The following NIP7 variants were observed in gnomAD, a reference collection of about 807,000 sequenced individuals.
NIP7 encodes the protein nucleolar pre-rRNA processing protein NIP7.
NIP7 carries 12 observed loss-of-function variants against 20.1 expected under a neutral mutation model. The ratio of observed to expected loss-of-function variants is 0.60; its 90% CI spans 0.38 to 0.97. NIP7 has a LOEUF of 0.97. Ranked by LOEUF, NIP7 falls within the 50% of genes least tolerant of loss-of-function variation. The pLI is 0.00. For missense variants in NIP7, 226 were observed against 226.6 expected, an observed-to-expected ratio of 1.00 and a Z score of 0.02; for synonymous variants, 103 against 87.2, an observed-to-expected ratio of 1.18 and a Z score of -1.01.
rs1475127260 is a variant in NIP7, at chr16:69,340,314, C to T, written c.264C>T (p.Tyr88=). The T allele has an allele frequency of 6.2e-6, 10 of 1,613,084 alleles. No individual in the cohort carries two copies. In the Admixed American group the frequency reaches 8.3e-5, roughly 13 times the overall value. Reference sequence around the variant, plus strand: ...GGTTGCACGTCACAGCTCTGGATTACCTTGCACCTTATGCCAAGGTTTGTG... The same window carrying T: ...GGTTGCACGTCACAGCTCTGGATTATCTTGCACCTTATGCCAAGGTTTGTG... ...KFRLHVTALD[Y]LAPYAKYKVW... is the part of the protein sequence containing the mutation. The change falls in exon 3 of 5, where the codon TAC becomes TAT. Residue 88 remains tyrosine, a synonymous_variant. Coordinates refer to ENST00000254940, the MANE Select transcript of NIP7 (RefSeq NM_016101.5).
chr16:69,341,512 G>C (rs764308412), intron 4 of NIP7, 21 bp from the exon 5 acceptor site: 3 of 1,613,162 alleles, frequency 1.9e-6, no homozygotes, highest in Non-Finnish European at 1.7e-6. Context: ...GTGAGTTAGT[G>C]TCTCTTCTTT....
intron 3 of NIP7, 92 bp downstream of exon 3, chr16:69,340,424 A>G (rs1002576812): frequency 6.7e-7 from 1 of 1,491,994 alleles, no homozygotes; most frequent in Non-Finnish European, 9.1e-7. Context: ...AGTCCCTGAC[A>G]GTGTGCTTGG....
chr16:69,343,048 A>T lies in NIP7; in HGVS notation c.*1396A>T, dbSNP rs2012606001. The T allele has an allele frequency of 5.8e-6, 1 of 171,662 alleles. No individual in the cohort carries two copies. The highest frequency in any genetic ancestry group is 1.2e-5 in the Non-Finnish European group (1 of 81,250). 10.6% of individuals were successfully genotyped at this position (171,662 alleles called of 1,614,324 possible). A position where few individuals can be genotyped will look rare whatever the true frequency, so the allele number is the denominator to read the frequency against. ...TTTAATGAATATATTGCTTATTTTAAGTTCCAAAGGTGAAGTCTTTAAGAA... is the reference window on the plus strand; with the variant it reads ...TTTAATGAATATATTGCTTATTTTATGTTCCAAAGGTGAAGTCTTTAAGAA... On this transcript the variant is annotated 3_prime_UTR_variant, in exon 5 of 5. Coordinates refer to ENST00000254940, the MANE Select transcript of NIP7 (RefSeq NM_016101.5).
At position 69,339,805 on chromosome 16, in the gene NIP7, C is replaced by G. The variant is rs1038419431; in HGVS notation, c.-25C>G. 8.1e-6 allele frequency: 13 copies of G among 1,612,010 alleles called. No homozygotes were observed. The highest frequency in any genetic ancestry group is 4.4e-4 in the Middle Eastern group (2 of 4,570). On this transcript the variant is annotated 5_prime_UTR_variant, in exon 1 of 5. It adds an upstream start codon to the 5' untranslated region. Coordinates refer to ENST00000254940, the MANE Select transcript of NIP7 (RefSeq NM_016101.5). ...TTTCCAGTTACCAAGGCACGAGGAT[C>G]CGGTGTTCCAACCCAGGGGGAAAAA...
At position 69,339,785 on chromosome 16, in the gene NIP7, A is replaced by G. The variant is rs768545044; in HGVS notation, c.-45A>G. ...CAGCGAGCGACCGACTTCCGTTTCC[A>G]GTTACCAAGGCACGAGGATCCGGTG... is the stretch of plus-strand genomic sequence containing the variant. On this transcript the variant is annotated 5_prime_UTR_variant, in exon 1 of 5. Coordinates refer to ENST00000254940, the MANE Select transcript of NIP7 (RefSeq NM_016101.5). The G allele has an allele frequency of 7.5e-6, 12 of 1,608,376 alleles. No homozygotes were observed. Among genetic ancestry groups the G allele is most frequent in the Non-Finnish European group, 9.3e-6 (11 of 1,176,538 alleles).
chr16:69,340,519 G>A (rs1215265154), intron 3 of NIP7, 187 bp downstream of exon 3: 15 of 718,108 alleles, frequency 2.1e-5, no homozygotes, highest in Admixed American at 8.8e-5. Context: ...ATGTGGCTGC[G>A]TAGGGTTAGT....
intron 4 of NIP7, 51 bp from the exon 5 acceptor site, chr16:69,341,482 G>A (rs1031617747): frequency 6.2e-7 from 1 of 1,605,418 alleles, no homozygotes; most frequent in South Asian, 1.1e-5. Flanking sequence ...CCCTCAATAT[G>A]GGCATATTGA....
chr16:69,341,776 T>A lies in NIP7; in HGVS notation c.*124T>A. The A allele has an allele frequency of 8.8e-7, 1 of 1,136,682 alleles. No individual in the cohort carries two copies. The highest frequency in any genetic ancestry group is 1.3e-6 in the Non-Finnish European group (1 of 783,920). The allele number at this position is 1,136,682 out of a possible 1,614,324, so 70.4% of individuals were successfully genotyped here. A position where few individuals can be genotyped will look rare whatever the true frequency, so the allele number is the denominator to read the frequency against. ...TCTGGCCTCTTCAGGGACTTCTTAT[T>A]TACTGTACTCTCTATCACTGACAAA... On this transcript the variant is annotated 3_prime_UTR_variant, in exon 5 of 5. Coordinates refer to ENST00000254940, the MANE Select transcript of NIP7 (RefSeq NM_016101.5).
At position 69,340,030 on chromosome 16, in the gene NIP7, G is replaced by C; in HGVS notation, c.81G>C (p.Leu27=). The stretch of plus-strand genomic sequence containing the variant: ...GCATTGGGGAGAATCTTCAACTGCT[G>C]GTGGACCGGCCCGATGGCACCTACT... ...AKYIGENLQL[L]VDRPDGTYCF... Residue 27 remains leucine, a synonymous_variant, in exon 2 of 5, where the codon CTG becomes CTC. Transcript: ENST00000254940. 1 of 1,614,094 alleles carries C rather than the reference G, an allele frequency of 6.2e-7. No individual in the cohort carries two copies. The highest frequency in any genetic ancestry group is 2.2e-5 in the East Asian group (1 of 44,872).
chr16:69,341,411 C>A, intron 4 of NIP7, 91 bp downstream of exon 4: 1 of 1,569,198 alleles, frequency 6.4e-7, no homozygotes, highest in South Asian at 1.2e-5. Context: ...AATAAATTCT[C>A]AGCACGTTTT....
chr16:69,341,613 C>T lies in NIP7; in HGVS notation c.504C>T (p.Asp168=), dbSNP rs143668884. The change falls in exon 5 of 5, where the codon GAC becomes GAT. Residue 168 remains aspartate, a synonymous_variant. Transcript: ENST00000254940. ...CGATTGTGGTATTTCATCAAGCAGACATTGGGGAATATGTGCGGCATGAAG... is the reference window on the plus strand; with the variant it reads ...CGATTGTGGTATTTCATCAAGCAGATATTGGGGAATATGTGCGGCATGAAG... ...PMAIVVFHQA[D]IGEYVRHEET... The T allele has an allele frequency of 2.8e-5, 46 of 1,614,046 alleles. No homozygotes were observed. Among genetic ancestry groups the T allele is most frequent in the Non-Finnish European group, 3.8e-5 (45 of 1,180,030 alleles).
At position 69,340,395 on chromosome 16, in the gene NIP7, G is replaced by A. The variant is rs768871538; in HGVS notation, c.282+63G>A. On this transcript the variant is annotated intron_variant, in intron 3 of 4. Transcript: ENST00000254940. ...AAGTCAAGGATTAGGCAGATTGTCC[G>A]GCAGCTTCTCTCCCACAGAGTCCCT... The A allele has an allele frequency of 8.9e-6, 14 of 1,578,676 alleles. No homozygotes were observed. In the South Asian group the frequency reaches 1.1e-4, roughly 13 times the overall value.
Position 69,340,029 on chromosome 16 carries a change from T to G in NIP7, c.80T>G (p.Leu27Arg), listed in dbSNP as rs766700782. The G allele has an allele frequency of 5.0e-6, 8 of 1,613,956 alleles. No individual in the cohort carries two copies. Among genetic ancestry groups the G allele is most frequent in the Non-Finnish European group, 5.1e-6 (6 of 1,180,032 alleles). Residue 27 changes from leucine (L) to arginine (R), a missense_variant, in exon 2 of 5, where the codon CTG (leucine) becomes CGG (arginine). Transcript: ENST00000254940. ...AKYIGENLQLLVDRPDGTYCF... is the reference protein window; with the variant it reads ...AKYIGENLQLRVDRPDGTYCF... The stretch of plus-strand genomic sequence containing the variant: ...AGCATTGGGGAGAATCTTCAACTGC[T>G]GGTGGACCGGCCCGATGGCACCTAC...
rs2012539705 is a variant in NIP7 at position 69,341,275 on chromosome 16, T to G, written c.378T>G (p.Ser126=). 1 of 1,614,032 alleles carries G rather than the reference T, an allele frequency of 6.2e-7. No homozygotes were observed. The highest frequency in any genetic ancestry group is 1.3e-5 in the African/African-American group (1 of 74,908). Residue 126 remains serine, a synonymous_variant, in exon 4 of 5, where the codon TCT becomes TCG. Transcript: ENST00000254940. Reference sequence around the variant, plus strand: ...TGGGTCGAATCACTGAAAATACTTCTCAGTACCAGGGCGTGGTGGTGTACT... The same window carrying G: ...TGGGTCGAATCACTGAAAATACTTCGCAGTACCAGGGCGTGGTGGTGTACT... ...SGLGRITENT[S]QYQGVVVYSM... is the part of the protein sequence containing the mutation.
In NIP7 at chr16:69,339,856, C is replaced by A. The variant is rs746812678; in HGVS notation, c.27C>A (p.Thr9=). 1.2e-6 allele frequency: 2 copies of A among 1,613,638 alleles called. No individual in the cohort carries two copies. The highest frequency in any genetic ancestry group is 1.7e-6 in the Non-Finnish European group (2 of 1,180,042). The change falls in exon 1 of 5, where the codon ACC becomes ACA. Residue 9 remains threonine, a synonymous_variant. Transcript: ENST00000254940. The stretch of plus-strand genomic sequence containing the variant: ...TGCGGCCTTTGACTGAAGAGGAGAC[C>A]CGTGTCATGTTTGAGAAGATAGCGA... MRPLTEEE[T]RVMFEKIAKY...
At position 69,341,532 on chromosome 16, in the gene NIP7, G is replaced by C; in HGVS notation, c.424-1G>C. Reference sequence around the variant, plus strand: ...TTAGTGTCTCTTCTTTTGAATCCCAGGGTTTTGGGGTGGCAGCCAAATCTA... The same window carrying C: ...TTAGTGTCTCTTCTTTTGAATCCCACGGTTTTGGGGTGGCAGCCAAATCTA... On this transcript the variant is annotated splice_acceptor_variant, in intron 4 of 4. Coordinates refer to ENST00000254940, the MANE Select transcript of NIP7 (RefSeq NM_016101.5). LOFTEE classifies it high-confidence loss of function. 6.2e-7 allele frequency: 1 copy of C among 1,613,020 alleles called. No individual in the cohort carries two copies. The highest frequency in any genetic ancestry group is 8.5e-7 in the Non-Finnish European group (1 of 1,179,602).
chr16:69,340,065 T>G lies in NIP7; in HGVS notation c.116T>G (p.Leu39Arg), dbSNP rs779650757. 6.2e-7 allele frequency: 1 copy of G among 1,613,992 alleles called. No homozygotes were observed. Among genetic ancestry groups the G allele is most frequent in the African/African-American group, 1.3e-5 (1 of 74,896 alleles). ...CCCGATGGCACCTACTGTTTCCGTC[T>G]GCACAACGACCGGGTGTACTATGTG... The part of the protein sequence containing the change: ...DRPDGTYCFR[L>R]HNDRVYYVSE... Residue 39 changes from leucine to arginine, a missense_variant, in exon 2 of 5, where the codon CTG becomes CGG. Coordinates refer to ENST00000254940, the MANE Select transcript of NIP7 (RefSeq NM_016101.5).
intron 3 of NIP7, chr16:69,340,627 T>C: frequency 4.7e-6 from 2 of 428,636 alleles, no homozygotes; most frequent in South Asian, 8.9e-5. Context: ...GAAAAAGAGC[T>C]GTTAACCTGG....
chr16:69,340,155 T>G (rs1302475503), intron 2 of NIP7, 39 bp from the exon 3 acceptor site: 2 of 1,613,408 alleles, frequency 1.2e-6, no homozygotes, highest in Non-Finnish European at 8.5e-7. Flanking sequence ...CCCACGAGCC[T>G]CCTTCATCCG....
Sources: allele counts gnomAD v4.1 joint callset, GRCh38; gene constraint gnomAD v4.1.1; transcripts MANE v1.5; gene names NCBI Gene and HGNC (gene_info 2026-07-23, HGNC 2026-07-21).